Variants in L3MBTL3 observed in about 807,000 individuals in gnomAD.
The protein encoded by L3MBTL3 is L3MBTL histone methyl-lysine binding protein 3, also known as lethal(3)malignant brain tumor-like protein 3.
A neutral mutation model predicts 102.3 loss-of-function variants in L3MBTL3; 27 were observed. That is an observed-to-expected ratio of 0.26 (90% confidence interval 0.19 to 0.36). The LOEUF is 0.36. Ranked by LOEUF, L3MBTL3 falls within the 10% of genes least tolerant of loss-of-function variation. The probability of loss-of-function intolerance (pLI) is 1.00; values close to 1 mark genes in which losing one functional copy is unlikely to be tolerated. For missense variants in L3MBTL3, 798 were observed against 955.3 expected (o/e 0.84, Z 2.17); for synonymous variants, 340 against 320.9 (o/e 1.06, Z -0.64).
intron 20 of L3MBTL3, among the ~76,000 whole-genome samples, chr6:130,125,268 A>T (rs1287834604): frequency 6.6e-6 from 1 of 152,112 alleles, no homozygotes; most frequent in Non-Finnish European, 1.5e-5. Flanking sequence ...CGTTCTGTCG[A>T]GTGTGCTATT....
intron 1 of L3MBTL3, among the ~76,000 whole-genome samples, chr6:130,021,962 C>T (rs1779046504): frequency 6.6e-6 from 1 of 152,024 alleles, no homozygotes; most frequent in African/African-American, 2.4e-5. Context: ...TCAAATGATC[C>T]TTGTAACTTT....
intron 18 of L3MBTL3, among the ~76,000 whole-genome samples, chr6:130,104,065 C>G (rs879679791): frequency 7.2e-5 from 11 of 152,162 alleles, no homozygotes; most frequent in Non-Finnish European, 1.5e-4. Flanking sequence ...CTCCATTAAC[C>G]AATCAATCAG....
At chr6:130,119,299 T>C (rs1419099117) in intron 19 of L3MBTL3, among the ~76,000 whole-genome samples, 1 of 152,202 alleles carries the variant, frequency 6.6e-6, no homozygotes, top group Non-Finnish European at 1.5e-5. Flanking sequence ...GATATAGCCA[T>C]CTACAAACTA....
Position 130,102,986 on chromosome 6 carries a change from A to G in L3MBTL3, c.1737-1440A>G, listed in dbSNP as rs372926213. On this transcript the variant is annotated intron_variant, in intron 18 of 22. Transcript: ENST00000361794. The stretch of plus-strand genomic sequence containing the variant: ...CTTTTTATTGTCCACTGAGTTTCCA[A>G]TGCCTGGAAAGGTAATTAGCACATA... 3.2e-4 allele frequency among the ~76,000 whole-genome samples: 48 copies of G among 152,346 alleles called. 2 individuals are homozygous for G. Among genetic ancestry groups the G allele is most frequent in the African/African-American group, 1.0e-3 (43 of 41,576 alleles).
At chr6:130,118,691 A>G (rs1172675555) in intron 19 of L3MBTL3, among the ~76,000 whole-genome samples, 1 of 152,204 alleles carries the variant, frequency 6.6e-6, no homozygotes, top group African/African-American at 2.4e-5. Flanking sequence ...ATATATTCCC[A>G]GGTTTGTATG....
intron 10 of L3MBTL3, among the ~76,000 whole-genome samples, chr6:130,065,295 A>T (rs75085922): frequency 0.062 from 9,446 of 152,242 alleles, 791 homozygotes; most frequent in African/African-American, 0.19. Flanking sequence ...TTACATATGT[A>T]TGCATATGTG....
At chr6:130,034,719 T>C (rs901841433) in intron 2 of L3MBTL3, among the ~76,000 whole-genome samples, 7 of 152,238 alleles carry the variant, frequency 4.6e-5, no homozygotes, top group African/African-American at 1.4e-4. Context: ...GACTAAGCGC[T>C]ATGACTAAGA....
chr6:130,125,642 C>T (rs1786546175), intron 20 of L3MBTL3, among the ~76,000 whole-genome samples: 1 of 152,184 alleles, frequency 6.6e-6, no homozygotes, highest in South Asian at 2.1e-4. Flanking sequence ...TTCTGGAGCC[C>T]TCTAGTGAAC....
intron 19 of L3MBTL3, among the ~76,000 whole-genome samples, chr6:130,111,876 T>C (rs1425471521): frequency 3.3e-5 from 5 of 152,212 alleles, no homozygotes; most frequent in Non-Finnish European, 5.9e-5. Flanking sequence ...CTTCCCGTTA[T>C]TCTTGGAATT....
At chr6:130,026,928 T>C (rs538832519) in intron 2 of L3MBTL3, among the ~76,000 whole-genome samples, 4 of 151,860 alleles carry the variant, frequency 2.6e-5, no homozygotes, top group African/African-American at 7.2e-5. Flanking sequence ...AGAGAGACAA[T>C]GGTGGGGAGA....
intron 2 of L3MBTL3, among the ~76,000 whole-genome samples, chr6:130,032,247 A>T (rs557300241): frequency 6.6e-6 from 1 of 152,324 alleles, no homozygotes; most frequent in East Asian, 1.9e-4. Flanking sequence ...TTGAGCACAG[A>T]TGGCTTACTA....
chr6:130,025,837 T>C (rs904261428), intron 2 of L3MBTL3, among the ~76,000 whole-genome samples: 9 of 152,196 alleles, frequency 5.9e-5, no homozygotes, highest in Non-Finnish European at 1.0e-4. Context: ...TGTTGTGAAC[T>C]GCTTCACAAA....
chr6:130,095,452 C>A (rs181274223), intron 18 of L3MBTL3, among the ~76,000 whole-genome samples: 1 of 152,038 alleles, frequency 6.6e-6, no homozygotes, highest in Non-Finnish European at 1.5e-5. Flanking sequence ...ATGATGATTC[C>A]GTTTGCAAAT....
intron 16 of L3MBTL3, among the ~76,000 whole-genome samples, chr6:130,086,887 T>G (rs1046171637): frequency 6.6e-6 from 1 of 152,160 alleles, no homozygotes; most frequent in Non-Finnish European, 1.5e-5. Flanking sequence ...TTCATAAAAT[T>G]GTTTGGAATT....
intron 7 of L3MBTL3, among the ~76,000 whole-genome samples, 198 bp downstream of exon 7, chr6:130,053,189 TTC>T (rs67002737): frequency 0.47 from 71,534 of 151,914 alleles, 19,486 homozygotes; most frequent in East Asian, 0.76. Context: ...AATAGTATCC[TTC>T]TCTCAGGGTG....
chr6:130,058,701 T>C (rs1251956054), intron 9 of L3MBTL3, among the ~76,000 whole-genome samples: 4 of 152,160 alleles, frequency 2.6e-5, no homozygotes, highest in Non-Finnish European at 5.9e-5. Flanking sequence ...ACGACTCAGT[T>C]AGGTCATTGT....
At chr6:130,090,278 G>T (rs557483819) in intron 16 of L3MBTL3, among the ~76,000 whole-genome samples, 1 of 152,184 alleles carries the variant, frequency 6.6e-6, no homozygotes, top group South Asian at 2.1e-4. Context: ...GTCTCCTGAT[G>T]ATGGGCACTG....
chr6:130,065,244 A>T (rs1782170333), intron 10 of L3MBTL3, among the ~76,000 whole-genome samples: 1 of 152,316 alleles, frequency 6.6e-6, no homozygotes, highest in African/African-American at 2.4e-5. Flanking sequence ...CATTATTAAC[A>T]TTTTGGCAAA....
At chr6:130,106,743 A>C (rs1284723589) in intron 19 of L3MBTL3, among the ~76,000 whole-genome samples, 2 of 151,916 alleles carry the variant, frequency 1.3e-5, no homozygotes, top group Admixed American at 1.3e-4. Context: ...CCTGACTCAC[A>C]TTTTTTCCAA....
Sources: allele counts gnomAD v4.1 joint callset (sites outside exome capture counted in the v4.1 genomes callset), GRCh38; gene constraint gnomAD v4.1.1; transcripts MANE v1.5; gene names NCBI Gene and HGNC (gene_info 2026-07-23, HGNC 2026-07-21).